ADGRB3: variants seen among roughly 807,000 people sequenced by gnomAD.
ADGRB3 encodes the protein adhesion G protein-coupled receptor B3.
ADGRB3 carries 37 observed loss-of-function variants against 193.4 expected under a neutral mutation model. The ratio of observed to expected loss-of-function variants is 0.19; its 90% CI spans 0.15 to 0.25. ADGRB3 has a LOEUF of 0.25. ADGRB3 is among the 10% of genes least tolerant of loss of function. The pLI is 1.00. For missense variants in ADGRB3, 1,637 were observed against 1,852.9 expected, an observed-to-expected ratio of 0.88 and a Z score of 2.14; for synonymous variants, 690 against 644.2, an observed-to-expected ratio of 1.07 and a Z score of -1.08.
chr6:69,169,393 T>C (rs1369684535), intron 17 of ADGRB3, among the ~76,000 whole-genome samples: 1 of 151,744 alleles, frequency 6.6e-6, no homozygotes, highest in East Asian at 1.9e-4. Flanking sequence ...TATTTTAAAT[T>C]TGTCTTACAG....
intron 3 of ADGRB3, among the ~76,000 whole-genome samples, chr6:68,707,091 A>G (rs375199235): frequency 2.4e-4 from 36 of 147,768 alleles, no homozygotes; most frequent in African/African-American, 8.8e-4. Flanking sequence ...AGCCTGGGCA[A>G]CAGAGCCAGA....
intron 13 of ADGRB3, among the ~76,000 whole-genome samples, chr6:69,042,827 C>A (rs1209188128): frequency 6.6e-6 from 1 of 152,132 alleles, no homozygotes; most frequent in Non-Finnish European, 1.5e-5. Context: ...AAAAATGATG[C>A]AAACTTCAAA....
At chr6:68,847,830 T>TA (rs1768311870) in intron 3 of ADGRB3, among the ~76,000 whole-genome samples, 1 of 151,618 alleles carries the variant, frequency 6.6e-6, no homozygotes, top group African/African-American at 2.4e-5. Context: ...AAGGAGTAAG[T>TA]AAAATGTAGA....
chr6:69,067,192 T>A (rs1225059582), intron 16 of ADGRB3, among the ~76,000 whole-genome samples: 2 of 152,056 alleles, frequency 1.3e-5, no homozygotes, highest in African/African-American at 4.8e-5. Flanking sequence ...CAACTCCAAA[T>A]GGTATAGGTA....
intron 3 of ADGRB3, among the ~76,000 whole-genome samples, chr6:68,720,972 C>G (rs575661977): frequency 2.0e-5 from 3 of 151,580 alleles, no homozygotes; most frequent in Non-Finnish European, 4.4e-5. Flanking sequence ...TCAAAATGGG[C>G]GAGATATACA....
At chr6:69,240,972 A>G (rs1017357707) in intron 20 of ADGRB3, among the ~76,000 whole-genome samples, 2 of 152,090 alleles carry the variant, frequency 1.3e-5, no homozygotes, top group South Asian at 4.1e-4. Flanking sequence ...TTTTTTCACA[A>G]AACATTCTTC....
chr6:69,035,212 G>A (rs193243054), intron 13 of ADGRB3, among the ~76,000 whole-genome samples: 6 of 151,970 alleles, frequency 3.9e-5, no homozygotes, highest in African/African-American at 7.2e-5. Context: ...GAGGTAATTC[G>A]CTGGTATGAG....
chr6:68,716,424 T>C (rs1229151233), intron 3 of ADGRB3, among the ~76,000 whole-genome samples: 1 of 151,706 alleles, frequency 6.6e-6, no homozygotes, highest in African/African-American at 2.4e-5. Context: ...TAAAGTTCTC[T>C]TCAACTGTGG....
chr6:68,981,844 T>TGTTA (rs1202733847), intron 10 of ADGRB3, among the ~76,000 whole-genome samples: 36 of 134,674 alleles, frequency 2.7e-4, no homozygotes, highest in Non-Finnish European at 3.1e-4. Context: ...ATACCTATTT[T>TGTTA]GTTATTTATT....
chr6:68,682,816 C>T (rs1469539549), intron 3 of ADGRB3, among the ~76,000 whole-genome samples: 4 of 150,708 alleles, frequency 2.7e-5, no homozygotes, highest in East Asian at 2.0e-4. Context: ...TCCCTCTTGA[C>T]GCCCAGGCTG....
chr6:69,366,604 C>A (rs1582660278), intron 29 of ADGRB3, among the ~76,000 whole-genome samples: 2 of 152,178 alleles, frequency 1.3e-5, no homozygotes, highest in East Asian at 1.9e-4. Flanking sequence ...ACTTTTAAAT[C>A]ATCGTAAAGA....
chr6:69,100,275 T>C (rs1772995368), intron 17 of ADGRB3, among the ~76,000 whole-genome samples: 1 of 152,196 alleles, frequency 6.6e-6, no homozygotes, highest in Non-Finnish European at 1.5e-5. Context: ...TTCTTACTTT[T>C]TGGTTTTGAC....
chr6:69,273,292 A>G (rs978343531), intron 20 of ADGRB3, among the ~76,000 whole-genome samples: 1 of 152,188 alleles, frequency 6.6e-6, no homozygotes, highest in Non-Finnish European at 1.5e-5. Context: ...ACTGTTTGCA[A>G]ATGGGAAGGC....
At chr6:68,684,742 A>G (rs1764952465) in intron 3 of ADGRB3, among the ~76,000 whole-genome samples, 1 of 152,172 alleles carries the variant, frequency 6.6e-6, no homozygotes, top group African/African-American at 2.4e-5. Flanking sequence ...ATACATAAAT[A>G]GATTATTTTT....
chr6:68,829,180 A>G (rs1582235702), intron 3 of ADGRB3, among the ~76,000 whole-genome samples: 1 of 141,552 alleles, frequency 7.1e-6, no homozygotes. Flanking sequence ...GCTCACTGAA[A>G]CCTCTGCCTC....
intron 20 of ADGRB3, among the ~76,000 whole-genome samples, chr6:69,296,461 A>T (rs1331313531): frequency 6.6e-6 from 1 of 152,142 alleles, no homozygotes; most frequent in Non-Finnish European, 1.5e-5. Context: ...TCTAGTGTTA[A>T]TATGAATTGA....
At chr6:69,004,557 T>TC (rs1383563190) in intron 11 of ADGRB3, among the ~76,000 whole-genome samples, 3 of 104,440 alleles carry the variant, frequency 2.9e-5, no homozygotes, top group South Asian at 3.8e-4. Flanking sequence ...ATGCTATCCC[T>TC]CCCCCCTCCC....
intron 30 of ADGRB3, among the ~76,000 whole-genome samples, chr6:69,374,052 G>A (rs988870814): frequency 6.6e-6 from 1 of 151,956 alleles, no homozygotes; most frequent in Non-Finnish European, 1.5e-5. Flanking sequence ...AACTTTTGCT[G>A]ATAAATAAGA....
intron 3 of ADGRB3, among the ~76,000 whole-genome samples, chr6:68,798,713 G>T (rs1014946648): frequency 6.6e-6 from 1 of 152,174 alleles, no homozygotes; most frequent in Non-Finnish European, 1.5e-5. Flanking sequence ...ACACTGAAGA[G>T]ACAGTGACTC....
Sources: allele counts gnomAD v4.1 joint callset (sites outside exome capture counted in the v4.1 genomes callset), GRCh38; gene constraint gnomAD v4.1.1; transcripts MANE v1.5; gene names NCBI Gene and HGNC (gene_info 2026-07-23, HGNC 2026-07-21).